The following PLCG2 variants were observed in gnomAD, a reference collection of about 807,000 sequenced individuals.
PLCG2 encodes phospholipase C gamma 2, also known as 1-phosphatidylinositol 4,5-bisphosphate phosphodiesterase gamma-2.
A neutral mutation model predicts 175.6 loss-of-function variants in PLCG2; 69 were observed. The ratio of observed to expected loss-of-function variants is 0.39; its 90% CI spans 0.32 to 0.48. The LOEUF is 0.48. PLCG2 is among the 20% of genes least tolerant of loss of function. The pLI, the probability that PLCG2 is intolerant of heterozygous loss-of-function variation, is 0.91. For synonymous variants in PLCG2, 827 were observed against 624.0 expected, an observed-to-expected ratio of 1.33 and a Z score of -4.85; for missense variants, 1,798 against 1,650.9, an observed-to-expected ratio of 1.09 and a Z score of -1.54.
chr16:81,866,112 G>A (rs1907220312), intron 5 of PLCG2, among the ~76,000 whole-genome samples: 1 of 113,512 alleles, frequency 8.8e-6, no homozygotes, highest in Admixed American at 9.9e-5. Flanking sequence ...AGAGGATGCT[G>A]GTCTCTCCCT....
intron 11 of PLCG2, among the ~76,000 whole-genome samples, chr16:81,892,907 G>C (rs982883121): frequency 6.6e-6 from 1 of 151,018 alleles, no homozygotes; most frequent in African/African-American, 2.4e-5. Context: ...GAGTGCATTG[G>C]TGCGATCTCA....
chr16:81,908,429 C>A lies in PLCG2; in HGVS notation c.1571C>A (p.Thr524Lys). The stretch of plus-strand genomic sequence containing the variant: ...TTTGCGGCCCAGGATATACCCCCTA[C>A]AGAACTACATTTTGGGGAGAAATGG... ...EEEVPQDIPPTELHFGEKWFH... is the reference protein window; with the variant it reads ...EEEVPQDIPPKELHFGEKWFH... The change falls in exon 17 of 33, where the codon ACA becomes AAA. Residue 524 changes from threonine to lysine, a missense_variant. Transcript: ENST00000564138. 1 of 1,613,908 alleles carries A rather than the reference C, an allele frequency of 6.2e-7. No homozygotes were observed. Among genetic ancestry groups the A allele is most frequent in the East Asian group, 2.2e-5 (1 of 44,878 alleles).
At chr16:81,833,418 C>G (rs1431503149) in intron 2 of PLCG2, among the ~76,000 whole-genome samples, 2 of 151,836 alleles carry the variant, frequency 1.3e-5, no homozygotes, top group Non-Finnish European at 1.5e-5. Flanking sequence ...GGTGGCCGTT[C>G]CCTGTGGGTG....
In PLCG2 at chr16:81,891,658, G is replaced by A. The variant is rs569341707; in HGVS notation, c.986+68G>A. 1.6e-3 allele frequency: 1,400 copies of A among 871,168 alleles called. 5 individuals are homozygous for A. Among genetic ancestry groups the A allele is most frequent in the South Asian group, 4.0e-3 (300 of 75,832 alleles). The allele number at this position is 871,168 out of a possible 1,614,324, so 54.0% of individuals were successfully genotyped here. On this transcript the variant is annotated intron_variant, in intron 11 of 32. Coordinates refer to ENST00000564138, the MANE Select transcript of PLCG2 (RefSeq NM_002661.5). ...CACGTGAGGGTTGAGGCAGGGGTCC[G>A]ATACGCCGCTCCGGTGAGCCCTGTT... is the stretch of plus-strand genomic sequence containing the variant.
intron 5 of PLCG2, among the ~76,000 whole-genome samples, chr16:81,866,769 C>T (rs1169751247): frequency 6.6e-6 from 1 of 152,168 alleles, no homozygotes; most frequent in Non-Finnish European, 1.5e-5. Flanking sequence ...ATGGGCTCCA[C>T]TGGGGCACCA....
At chr16:81,775,854 A>G (rs1235245828), upstream of PLCG2, among the ~76,000 whole-genome samples, 1 of 151,992 alleles carries the variant, frequency 6.6e-6, no homozygotes, top group Non-Finnish European at 1.5e-5. Flanking sequence ...TTGTGCATCT[A>G]TGTAGAGTGG....
chr16:81,775,957 C>G (rs926647764), upstream of PLCG2, among the ~76,000 whole-genome samples: 4 of 151,730 alleles, frequency 2.6e-5, no homozygotes, highest in African/African-American at 9.7e-5. Context: ...ACCAGACAGG[C>G]TGAGGTTCAA....
At chr16:81,885,054 T>G (rs988375018) in intron 9 of PLCG2, among the ~76,000 whole-genome samples, 7,839 of 30,184 alleles carry the variant, frequency 0.26, 289 homozygotes, top group Admixed American at 0.31. Context: ...TGCCTGACAA[T>G]TTTTTTTTTT....
chr16:81,744,406 GC>G (rs1909663125), intron 1 of PLCG2, among the ~76,000 whole-genome samples: 1 of 150,752 alleles, frequency 6.6e-6, no homozygotes, highest in Non-Finnish European at 1.5e-5. Context: ...CTCTTGATCT[GC>G]CCGCCTTGCC....
intron 1 of PLCG2, among the ~76,000 whole-genome samples, chr16:81,750,848 TA>T (rs1441003259): frequency 6.6e-6 from 1 of 151,106 alleles, no homozygotes; most frequent in Non-Finnish European, 1.5e-5. Flanking sequence ...TAATTTTTTG[TA>T]TTTTTAGTAG....
chr16:81,767,084 C>T (rs1296718326), intron 2 of PLCG2: 1 of 151,766 alleles, frequency 6.6e-6, no homozygotes, highest in Non-Finnish European at 1.5e-5. Context: ...CATGCTGTTC[C>T]CATTGCCTGG....
At chr16:81,745,953 T>C (rs896679349) in intron 1 of PLCG2, among the ~76,000 whole-genome samples, 1 of 152,220 alleles carries the variant, frequency 6.6e-6, no homozygotes, top group African/African-American at 2.4e-5. Flanking sequence ...ACTAGCCCAT[T>C]CAGAGGTGCG....
chr16:81,851,838 T>G (rs1321845969), intron 2 of PLCG2, among the ~76,000 whole-genome samples: 1 of 152,216 alleles, frequency 6.6e-6, no homozygotes, highest in Non-Finnish European at 1.5e-5. Flanking sequence ...TTTTGCCCAC[T>G]GAGCTGTTTC....
At chr16:81,874,954 T>G (rs991245666) in intron 7 of PLCG2, among the ~76,000 whole-genome samples, 12 of 58,020 alleles carry the variant, frequency 2.1e-4, no homozygotes, top group African/African-American at 4.9e-4. Flanking sequence ...ATGTGTTTTT[T>G]TTTTTTTTTT....
intron 2 of PLCG2, among the ~76,000 whole-genome samples, chr16:81,803,552 T>G (rs867586423): frequency 1.6e-5 from 1 of 61,318 alleles, no homozygotes. Context: ...TTCTTTCCTT[T>G]CTTTCCTTCC....
chr16:81,930,764 G>A (rs1325263607), intron 24 of PLCG2, among the ~76,000 whole-genome samples: 8 of 110,822 alleles, frequency 7.2e-5, no homozygotes, highest in Non-Finnish European at 9.9e-5. Flanking sequence ...AAAAAAAAAA[G>A]CCATTTAAAT....
chr16:81,937,855 G>A lies in PLCG2; in HGVS notation c.3150G>A (p.Pro1050=), dbSNP rs376070393. ...GCATGAGGACAGAGAAATATGACCC[G>A]ATGCCACCCGAGTCCCAGAGGAAGA... The part of the protein sequence containing the change: ...PESMRTEKYD[P]MPPESQRKIL... The change falls in exon 28 of 33, where the codon CCG becomes CCA. Residue 1050 remains proline, a synonymous_variant. Transcript: ENST00000564138. 2.8e-5 allele frequency: 45 copies of A among 1,613,924 alleles called. No homozygotes were observed. The highest frequency in any genetic ancestry group is 3.5e-5 in the Non-Finnish European group (41 of 1,179,974).
intron 22 of PLCG2, among the ~76,000 whole-genome samples, 161 bp downstream of exon 22, chr16:81,923,755 G>A (rs1910151557): frequency 1.3e-5 from 2 of 152,214 alleles, no homozygotes; most frequent in South Asian, 4.1e-4. Context: ...CTTGGTGCAT[G>A]CTCTATTTGA....
chr16:81,846,240 C>G (rs1307999386), intron 2 of PLCG2, among the ~76,000 whole-genome samples: 2 of 151,984 alleles, frequency 1.3e-5, no homozygotes, highest in Non-Finnish European at 2.9e-5. Context: ...GACAAGAGGA[C>G]TGGCCTCCCT....
Sources: allele counts gnomAD v4.1 joint callset (sites outside exome capture counted in the v4.1 genomes callset), GRCh38; gene constraint gnomAD v4.1.1; transcripts MANE v1.5; gene names NCBI Gene and HGNC (gene_info 2026-07-23, HGNC 2026-07-21).